Variants in UBE2L3 observed in about 807,000 individuals in gnomAD.
The protein encoded by UBE2L3 is ubiquitin conjugating enzyme E2 L3, also known as ubiquitin-conjugating enzyme E2 L3.
In UBE2L3, 1 loss-of-function variant was observed where a neutral mutation model predicts 17.8. The observed-to-expected ratio is 0.06, with a 90% CI of 0.02 to 0.27. UBE2L3 has a LOEUF of 0.27. Among genes scored for constraint, UBE2L3 ranks in the 10% least tolerant of loss-of-function variants. The pLI is 1.00. For synonymous variants in UBE2L3, 44 were observed against 68.5 expected (o/e 0.64, Z 1.76); for missense variants, 40 against 192.6 (o/e 0.21, Z 4.69).
At chr22:21,569,122 C>T (rs1253904874) in intron 1 of UBE2L3, among the ~76,000 whole-genome samples, 1 of 150,828 alleles carries the variant, frequency 6.6e-6, no homozygotes, top group Non-Finnish European at 1.5e-5. Flanking sequence ...AGGCCGGGCG[C>T]GATGGCTCAC....
intron 2 of UBE2L3, among the ~76,000 whole-genome samples, chr22:21,606,530 C>T (rs79263374): frequency 1.3e-5 from 2 of 152,124 alleles, no homozygotes; most frequent in African/African-American, 4.8e-5. Context: ...TACTTCCCCC[C>T]ACCACCACCA....
intron 2 of UBE2L3, among the ~76,000 whole-genome samples, chr22:21,609,489 T>A (rs1929358863): frequency 6.6e-6 from 1 of 152,054 alleles, no homozygotes; most frequent in Admixed American, 6.6e-5. Flanking sequence ...GGCAGATCTC[T>A]TGAGCCCAGG....
chr22:21,610,495 G>A (rs1929422050), intron 2 of UBE2L3, among the ~76,000 whole-genome samples: 1 of 152,212 alleles, frequency 6.6e-6, no homozygotes, highest in Admixed American at 6.5e-5. Context: ...TGCCCCTCTG[G>A]TGAGGGATGC....
chr22:21,572,752 G>A (rs898604725), intron 1 of UBE2L3, among the ~76,000 whole-genome samples: 8 of 152,026 alleles, frequency 5.3e-5, no homozygotes, highest in Admixed American at 2.0e-4. Flanking sequence ...TCTTGGGAAC[G>A]GCACATAGAT....
intron 2 of UBE2L3, among the ~76,000 whole-genome samples, chr22:21,603,382 T>C (rs530741817): frequency 6.6e-6 from 1 of 151,426 alleles, no homozygotes; most frequent in African/African-American, 2.4e-5. Flanking sequence ...ACAAAAAAAT[T>C]AGCTGAGAGT....
At chr22:21,556,337 GTGAGCAA>G (rs1926223493) in intron 1 of UBE2L3, among the ~76,000 whole-genome samples, 2 of 152,254 alleles carry the variant, frequency 1.3e-5, no homozygotes, top group African/African-American at 4.8e-5. Flanking sequence ...CAAAGCTGCA[GTGAGCAA>G]TGATCATGCC....
chr22:21,572,906 C>A (rs1927064612), intron 1 of UBE2L3, among the ~76,000 whole-genome samples: 1 of 152,164 alleles, frequency 6.6e-6, no homozygotes, highest in Admixed American at 6.5e-5. Context: ...CTCGGCTCTT[C>A]CTCCCTTGTC....
chr22:21,608,153 G>T (rs1001928144), intron 2 of UBE2L3, among the ~76,000 whole-genome samples: 1 of 152,220 alleles, frequency 6.6e-6, no homozygotes, highest in Non-Finnish European at 1.5e-5. Context: ...TGCTGAGGAC[G>T]TAGAGCAACA....
At chr22:21,589,431 A>G (rs912299236) in intron 1 of UBE2L3, among the ~76,000 whole-genome samples, 1 of 152,006 alleles carries the variant, frequency 6.6e-6, no homozygotes, top group Non-Finnish European at 1.5e-5. Flanking sequence ...ACAGGCGTGA[A>G]CCACTGCGCC....
intron 1 of UBE2L3, among the ~76,000 whole-genome samples, chr22:21,561,487 T>C (rs1926428875): frequency 6.6e-6 from 1 of 152,160 alleles, no homozygotes; most frequent in Admixed American, 6.5e-5. Flanking sequence ...GAGTCTGAAG[T>C]GGGAGGATAA....
At chr22:21,563,997 C>T (rs192777582), upstream of UBE2L3, among the ~76,000 whole-genome samples, 66 of 151,246 alleles carry the variant, frequency 4.4e-4, no homozygotes, top group East Asian at 9.7e-4. Context: ...TGAGACTGTA[C>T]GCAGCCAAAA....
chr22:21,623,745 T>C lies in UBE2L3; in HGVS notation c.*2076T>C. 6.5e-6 allele frequency: 1 copy of C among 152,942 alleles called. No individual in the cohort carries two copies. Among genetic ancestry groups the C allele is most frequent in the East Asian group, 1.9e-4 (1 of 5,298 alleles). The allele number at this position is 152,942 out of a possible 1,614,324, so 9.5% of individuals were successfully genotyped here. On this transcript the variant is annotated 3_prime_UTR_variant, in exon 4 of 4. Coordinates refer to ENST00000342192, the MANE Select transcript of UBE2L3 (RefSeq NM_003347.4). Reference sequence around the variant, plus strand: ...CCAGTGGGTGTCTCTCCTTTGGGCCTGGGCGGCTTGCTCCTGCCAGCCATG... The same window carrying C: ...CCAGTGGGTGTCTCTCCTTTGGGCCCGGGCGGCTTGCTCCTGCCAGCCATG...
chr22:21,570,393 C>A (rs1233107055), intron 1 of UBE2L3, among the ~76,000 whole-genome samples: 2 of 152,156 alleles, frequency 1.3e-5, no homozygotes, highest in Admixed American at 1.3e-4. Flanking sequence ...CGTAAGTCAT[C>A]TTTTCAACAC....
chr22:21,579,314 A>G (rs1255662050), intron 1 of UBE2L3, among the ~76,000 whole-genome samples: 5 of 152,092 alleles, frequency 3.3e-5, no homozygotes, highest in African/African-American at 9.7e-5. Flanking sequence ...AGTTATGATG[A>G]TAACTAAATG....
chr22:21,564,037 C>CT (rs131661), upstream of UBE2L3, among the ~76,000 whole-genome samples: 1,246 of 138,060 alleles, frequency 9.0e-3, 10 homozygotes, highest in East Asian at 0.02. Context: ...TTCTTTCTTT[C>CT]TTTTTTTTTT....
At chr22:21,559,473 A>C (rs1052943764) in intron 1 of UBE2L3, among the ~76,000 whole-genome samples, 1 of 152,200 alleles carries the variant, frequency 6.6e-6, no homozygotes, top group African/African-American at 2.4e-5. Context: ...AATACAAATA[A>C]CAATGGAATG....
intron 3 of UBE2L3, among the ~76,000 whole-genome samples, chr22:21,618,643 A>G (rs1318617932): frequency 6.7e-6 from 1 of 148,276 alleles, no homozygotes; most frequent in African/African-American, 2.5e-5. Flanking sequence ...GGCTGAGTAT[A>G]GTGGCACAAT....
At chr22:21,573,947 C>T (rs1469609565) in intron 1 of UBE2L3, among the ~76,000 whole-genome samples, 1 of 152,178 alleles carries the variant, frequency 6.6e-6, no homozygotes, top group Admixed American at 6.5e-5. Flanking sequence ...AGCTACCTCT[C>T]TATAGAGGGG....
chr22:21,615,746 G>A (rs56044238), intron 3 of UBE2L3, among the ~76,000 whole-genome samples: 12,135 of 152,114 alleles, frequency 0.08, 1,677 homozygotes, highest in African/African-American at 0.28. Flanking sequence ...AGATGTGTGC[G>A]TGTGCAGAGC....
Sources: gnomAD v4.1 joint callset for allele counts (sites outside exome capture counted in the v4.1 genomes callset) on GRCh38, gnomAD v4.1.1 for gene constraint, MANE v1.5 for transcripts, NCBI Gene and HGNC (gene_info 2026-07-23, HGNC 2026-07-21) for gene names.